COL11A1: variants seen among roughly 807,000 people sequenced by gnomAD.
COL11A1 encodes the protein collagen alpha-1(XI) chain.
COL11A1 carries 74 observed loss-of-function variants against 265.2 expected under a neutral mutation model. That is an observed-to-expected ratio of 0.28 (90% CI 0.23 to 0.34). The LOEUF (loss-of-function observed/expected upper bound fraction) is 0.34. COL11A1 is among the 10% of genes least tolerant of loss of function. COL11A1 has a pLI of 1.00. For missense variants in COL11A1, 2,165 were observed against 2,263.6 expected, an observed-to-expected ratio of 0.96 and a Z score of 0.88; for synonymous variants, 816 against 727.6, an observed-to-expected ratio of 1.12 and a Z score of -1.96.
intron 35 of COL11A1, among the ~76,000 whole-genome samples, chr1:102,975,843 C>T (rs1012443863): frequency 6.6e-6 from 1 of 152,010 alleles, no homozygotes; most frequent in Non-Finnish European, 1.5e-5. Context: ...TCTAGCCTTC[C>T]CAAGAAAAAT....
Position 102,929,224 on chromosome 1 carries a change from G to A in COL11A1, c.3600+5225C>T, listed in dbSNP as rs541905338. ...TTCTCCTAGGGTTTTTATGGTTTTA[G>A]GTCTAACGTTTAAGTCTTTAATCCA... On this transcript the variant is annotated intron_variant, in intron 46 of 66. Transcript: ENST00000370096. Among the ~76,000 whole-genome samples the A allele has an allele frequency of 1.7e-3, 242 of 146,020 alleles. 1 individual carries two copies. The highest frequency in any genetic ancestry group is 5.3e-3 in the African/African-American group (213 of 40,118).
At chr1:103,019,010 G>C in intron 9 of COL11A1, 151 bp from the exon 10 acceptor site, 1 of 629,554 alleles carries the variant, frequency 1.6e-6, no homozygotes, top group South Asian at 2.4e-5. Flanking sequence ...TTTTGCACAG[G>C]GAAGGAAAGA....
At chr1:103,028,020 G>GT (rs780734334) in intron 5 of COL11A1, among the ~76,000 whole-genome samples, 21 of 148,594 alleles carry the variant, frequency 1.4e-4, no homozygotes, top group African/African-American at 4.8e-4. Context: ...TTGTTTGTTT[G>GT]TTTTTTGTTT....
chr1:102,889,541 G>A lies in COL11A1; in HGVS notation c.4378C>T (p.Leu1460=). The part of the protein sequence containing the change: ...GEKGHPGLIG[L]IGPPGEQGEK... ...CCTTGTTCTCCTGGAGGACCAATCA[G>A]GCCAATTAAACCAGGATGTCCCTTT... is the stretch of plus-strand genomic sequence containing the variant. The change falls in exon 59 of 67, where the codon CTG becomes TTG. Residue 1460 remains leucine, a synonymous_variant. Coordinates refer to ENST00000370096, the MANE Select transcript of COL11A1 (RefSeq NM_001854.4). The A allele has an allele frequency of 1.2e-6, 2 of 1,613,238 alleles. No individual in the cohort carries two copies. Among genetic ancestry groups the A allele is most frequent in the Non-Finnish European group, 1.7e-6 (2 of 1,179,656 alleles).
At chr1:103,092,743 C>T (rs79760892) in intron 1 of COL11A1, among the ~76,000 whole-genome samples, 243 of 152,164 alleles carry the variant, frequency 1.6e-3, no homozygotes, top group African/African-American at 5.7e-3. Context: ...TTCTTGTGTG[C>T]TTTTCATCAC....
intron 4 of COL11A1, among the ~76,000 whole-genome samples, chr1:103,063,554 A>G (rs1298560197): frequency 1.3e-5 from 2 of 152,152 alleles, no homozygotes; most frequent in African/African-American, 2.4e-5. Flanking sequence ...AATTGTTCAG[A>G]AAAATTAAGT....
chr1:102,879,114 C>T (rs1649911312), intron 66 of COL11A1, among the ~76,000 whole-genome samples: 1 of 152,082 alleles, frequency 6.6e-6, no homozygotes, highest in African/African-American at 2.4e-5. Context: ...GTCATCAATA[C>T]TCAGCTAAAG....
chr1:102,924,113 CG>C (rs1656309416), intron 46 of COL11A1, among the ~76,000 whole-genome samples: 2 of 151,134 alleles, frequency 1.3e-5, no homozygotes, highest in South Asian at 2.1e-4. Flanking sequence ...CACAGCTACT[CG>C]GGAGGCTGAG....
intron 54 of COL11A1, among the ~76,000 whole-genome samples, chr1:102,911,402 T>C (rs1286878403): frequency 6.6e-6 from 1 of 152,158 alleles, no homozygotes; most frequent in East Asian, 1.9e-4. Context: ...CCAATTGCCC[T>C]GTGACTTTGG....
chr1:102,965,386 T>G, intron 38 of COL11A1, 101 bp downstream of exon 38: 2 of 1,143,402 alleles, frequency 1.7e-6, no homozygotes, highest in Non-Finnish European at 2.6e-6. Context: ...AAATACATCA[T>G]TTTGAATCAT....
rs765858331 is a variant in COL11A1 at position 102,935,104 on chromosome 1, C to T, written c.3448G>A (p.Gly1150Ser). ...ACTGGTCCTTGAAGACCTGGGGGAC[C>T]GGGAGGGCCCTGCAGTGAGATAAAA... ...KGDKGENGPP[G>S]PPGLQGPVGA... Residue 1150 changes from glycine to serine, a missense_variant, in exon 45 of 67, where the codon GGT becomes AGT. Transcript: ENST00000370096. 11 of 1,613,772 alleles carry T rather than the reference C, an allele frequency of 6.8e-6. No homozygotes were observed. The highest frequency in any genetic ancestry group is 3.3e-5 in the South Asian group (3 of 91,050).
chr1:102,934,986 G>C (rs531568313), intron 45 of COL11A1, 74 bp downstream of exon 45: 71 of 1,410,828 alleles, frequency 5.0e-5, no homozygotes, highest in Admixed American at 8.5e-5. Flanking sequence ...AAATTGACTG[G>C]TTATGGGACA....
At chr1:103,089,274 C>A (rs1234683922) in intron 1 of COL11A1, among the ~76,000 whole-genome samples, 1 of 152,100 alleles carries the variant, frequency 6.6e-6, no homozygotes, top group Non-Finnish European at 1.5e-5. Context: ...ACCTAGTCAA[C>A]CTTTTAGTGT....
chr1:103,055,386 A>G (rs1670166768), intron 4 of COL11A1, among the ~76,000 whole-genome samples: 1 of 152,260 alleles, frequency 6.6e-6, no homozygotes, highest in Non-Finnish European at 1.5e-5. Context: ...ATTTACAAAG[A>G]TAGTATTTAG....
intron 14 of COL11A1, 26 bp downstream of exon 14, chr1:103,012,387 A>G (rs544003308): frequency 3.8e-6 from 6 of 1,594,630 alleles, no homozygotes; most frequent in East Asian, 4.5e-5. Flanking sequence ...ATTTTAACAT[A>G]TATTATCTTT....
chr1:103,008,377 A>T (rs1463024353), intron 15 of COL11A1, 86 bp downstream of exon 15: 2 of 1,136,910 alleles, frequency 1.8e-6, no homozygotes, highest in South Asian at 1.3e-5. Context: ...AACAAAAAAA[A>T]AATTAACTAT....
intron 4 of COL11A1, among the ~76,000 whole-genome samples, chr1:103,047,074 G>A (rs1355119897): frequency 5.3e-5 from 8 of 152,302 alleles, no homozygotes; most frequent in East Asian, 1.9e-4. Flanking sequence ...GCTTGGGATT[G>A]ACTTGGTGAT....
chr1:103,072,925 G>C (rs1671697877), intron 4 of COL11A1, among the ~76,000 whole-genome samples: 1 of 151,574 alleles, frequency 6.6e-6, no homozygotes, highest in Non-Finnish European at 1.5e-5. Context: ...CCCTTTAACT[G>C]GTCAAAGATT....
chr1:103,018,849 A>T lies in COL11A1; in HGVS notation c.1319T>A (p.Val440Asp). The change falls in exon 10 of 67, where the codon GTC becomes GAC. Residue 440 changes from valine to aspartate, a missense_variant. Physicochemically the swap from Val to Asp is radical, Grantham distance 152 (BLOSUM62 -3). Transcript: ENST00000370096. ...EPAVVEPGMLVEGPPGPAGPA... is the reference protein window; with the variant it reads ...EPAVVEPGMLDEGPPGPAGPA... ...TCCTGCTGGTCCTGGTGGTCCTTCGACAAGCATACCCTATAACAGGAAAAG... is the reference window on the plus strand; with the variant it reads ...TCCTGCTGGTCCTGGTGGTCCTTCGTCAAGCATACCCTATAACAGGAAAAG... 6.2e-7 allele frequency: 1 copy of T among 1,612,746 alleles called. No individual in the cohort carries two copies. Among genetic ancestry groups the T allele is most frequent in the Non-Finnish European group, 8.5e-7 (1 of 1,178,968 alleles).
Sources: gnomAD v4.1 joint callset for allele counts (sites outside exome capture counted in the v4.1 genomes callset) on GRCh38, gnomAD v4.1.1 for gene constraint, MANE v1.5 for transcripts, NCBI Gene and HGNC (gene_info 2026-07-23, HGNC 2026-07-21) for gene names.